The following CYP2C18 variants were observed in gnomAD, a reference collection of about 807,000 sequenced individuals.
CYP2C18 encodes the protein cytochrome P450 family 2 subfamily C member 18.
A neutral mutation model predicts 41.3 loss-of-function variants in CYP2C18; 38 were observed. That is an observed-to-expected ratio of 0.92 (90% CI 0.71 to 1.21). The LOEUF is 1.21. CYP2C18 is among the 50% of genes most tolerant of loss of function. The pLI is 0.00. For synonymous variants in CYP2C18, 236 were observed against 210.0 expected (o/e 1.12, Z -1.07); for missense variants, 635 against 591.4 (o/e 1.07, Z -0.77).
intron 4 of CYP2C18, among the ~76,000 whole-genome samples, chr10:94,699,538 A>C (rs1311014227): frequency 6.6e-6 from 1 of 152,178 alleles, no homozygotes; most frequent in Non-Finnish European, 1.5e-5. Context: ...ATGGGCACAA[A>C]CTGGAAGCAT....
rs115083193 is a variant in CYP2C18 at position 94,723,807 on chromosome 10, G to A, written c.962-539G>A. Among the ~76,000 whole-genome samples the A allele has an allele frequency of 9.5e-3, 1,438 of 152,116 alleles. 4 individuals are homozygous for A. The highest frequency in any genetic ancestry group is 0.054 in the Middle Eastern group (16 of 294). Reference sequence around the variant, plus strand: ...AAATTAAAAAATAAAAAGAGAGTCAGTATTTAGAAATATGAATATAAACTT... The same window carrying A: ...AAATTAAAAAATAAAAAGAGAGTCAATATTTAGAAATATGAATATAAACTT... On this transcript the variant is annotated intron_variant, in intron 6 of 8. Transcript: ENST00000285979.
chr10:94,731,228 AAGTT>A (rs1015103786), intron 7 of CYP2C18, among the ~76,000 whole-genome samples: 1 of 151,938 alleles, frequency 6.6e-6, no homozygotes, highest in Non-Finnish European at 1.5e-5. Flanking sequence ...AAAATACAAA[AAGTT>A]AGCCAGGCAA....
At chr10:94,722,118 T>G (rs1182593549) in intron 6 of CYP2C18, among the ~76,000 whole-genome samples, 1 of 152,138 alleles carries the variant, frequency 6.6e-6, no homozygotes, top group Non-Finnish European at 1.5e-5. Context: ...AGAAATGTCA[T>G]GAGATAGCCT....
chr10:94,708,941 G>A (rs1847387780), intron 5 of CYP2C18, among the ~76,000 whole-genome samples: 2 of 152,138 alleles, frequency 1.3e-5, no homozygotes. Flanking sequence ...ATATTTGGGT[G>A]TGGCTATATC....
At chr10:94,718,823 G>A (rs1441077418) in intron 5 of CYP2C18, among the ~76,000 whole-genome samples, 3 of 152,088 alleles carry the variant, frequency 2.0e-5, no homozygotes, top group Non-Finnish European at 2.9e-5. Context: ...TCCCAGAATT[G>A]GTAAGTTAAG....
At chr10:94,686,981 T>C (rs116017169) in intron 1 of CYP2C18, among the ~76,000 whole-genome samples, 220 of 152,306 alleles carry the variant, frequency 1.4e-3, no homozygotes, top group African/African-American at 5.2e-3. Flanking sequence ...AAGCAAATCA[T>C]GCCTGATGTC....
chr10:94,733,240 C>T lies in CYP2C18; in HGVS notation c.1150-57C>T, dbSNP rs954360164. 3.4e-5 allele frequency: 53 copies of T among 1,537,440 alleles called. No homozygotes were observed. In the African/African-American group the frequency reaches 5.9e-4, roughly 17 times the overall value. On this transcript the variant is annotated intron_variant, in intron 7 of 8. Transcript: ENST00000285979. ...AGATTGGACTAGGTGATTTCCATCA[C>T]TTCTTCCCACTCTTTGACTTCTTTA...
intron 5 of CYP2C18, among the ~76,000 whole-genome samples, chr10:94,707,367 G>A (rs918800527): frequency 1.3e-5 from 2 of 152,086 alleles, no homozygotes; most frequent in East Asian, 3.9e-4. Flanking sequence ...AATGAATAAC[G>A]GGGCAGTCAA....
intron 7 of CYP2C18, among the ~76,000 whole-genome samples, chr10:94,732,362 G>A (rs1443980212): frequency 6.6e-6 from 1 of 152,120 alleles, no homozygotes; most frequent in African/African-American, 2.4e-5. Flanking sequence ...AACACTTATA[G>A]GCTCTTGGTG....
chr10:94,704,689 C>T (rs1319159688), intron 4 of CYP2C18, among the ~76,000 whole-genome samples: 2 of 152,130 alleles, frequency 1.3e-5, no homozygotes, highest in Non-Finnish European at 2.9e-5. Context: ...GATCTTCTCA[C>T]ATTTTTCTAA....
chr10:94,685,399 G>C (rs149642358), intron 1 of CYP2C18, among the ~76,000 whole-genome samples: 1 of 152,108 alleles, frequency 6.6e-6, no homozygotes, highest in Non-Finnish European at 1.5e-5. Context: ...AAGTATTTTG[G>C]GTGGTCAGAA....
chr10:94,733,965 T>C (rs1439024993), intron 8 of CYP2C18, among the ~76,000 whole-genome samples: 1 of 151,936 alleles, frequency 6.6e-6, no homozygotes, highest in Admixed American at 6.6e-5. Flanking sequence ...GCGCAGGATG[T>C]TGGGGAGCTC....
chr10:94,706,570 A>G (rs1409672427), intron 4 of CYP2C18, among the ~76,000 whole-genome samples: 1 of 152,196 alleles, frequency 6.6e-6, no homozygotes, highest in Non-Finnish European at 1.5e-5. Context: ...ATATATGAGT[A>G]TAGAAAATTA....
chr10:94,723,887 G>A (rs1367484908), intron 6 of CYP2C18, among the ~76,000 whole-genome samples: 1 of 152,136 alleles, frequency 6.6e-6, no homozygotes, highest in Non-Finnish European at 1.5e-5. Flanking sequence ...GTGTGAGGAT[G>A]AGAGAGAATA....
At chr10:94,708,136 C>T (rs1297070927) in intron 5 of CYP2C18, among the ~76,000 whole-genome samples, 2 of 152,096 alleles carry the variant, frequency 1.3e-5, no homozygotes, top group Non-Finnish European at 2.9e-5. Context: ...GGGACAGAGT[C>T]AAAGATGCTG....
intron 5 of CYP2C18, among the ~76,000 whole-genome samples, chr10:94,719,699 C>A (rs896661025): frequency 6.6e-6 from 1 of 151,860 alleles, no homozygotes; most frequent in Admixed American, 6.6e-5. Context: ...CTCAGCCTTC[C>A]GAGTAGCTGA....
chr10:94,693,550 C>T (rs1020145759), intron 3 of CYP2C18, among the ~76,000 whole-genome samples: 1 of 152,176 alleles, frequency 6.6e-6, no homozygotes, highest in Non-Finnish European at 1.5e-5. Context: ...ATTTTCACTA[C>T]ATCATGTTCA....
chr10:94,724,513 A>T lies in CYP2C18; in HGVS notation c.1129A>T (p.Lys377Ter), dbSNP rs1847703609. The T allele has an allele frequency of 6.2e-7, 1 of 1,613,526 alleles. No homozygotes were observed. Among genetic ancestry groups the T allele is most frequent in the Admixed American group, 1.7e-5 (1 of 59,942 alleles). The change falls in exon 7 of 9, where the codon AAA becomes TAA. Residue 377 changes from lysine to a stop codon, truncating the protein, a stop_gained. Transcript: ENST00000285979. LOFTEE classifies it high-confidence loss of function. ...TGCAGTGACCTGTGATGTTAAATTCAAAAACTACCTCATCCCCAAGGTAAG... is the reference window on the plus strand; with the variant it reads ...TGCAGTGACCTGTGATGTTAAATTCTAAAACTACCTCATCCCCAAGGTAAG... ...PHAVTCDVKF[K>*]NYLIPKGTTI...
At chr10:94,721,221 G>C (rs768966457) in intron 6 of CYP2C18, among the ~76,000 whole-genome samples, 1 of 151,958 alleles carries the variant, frequency 6.6e-6, no homozygotes, top group Admixed American at 6.6e-5. Context: ...CACCATGTTG[G>C]TCAGGCTAGG....
Sources: allele counts gnomAD v4.1 joint callset (sites outside exome capture counted in the v4.1 genomes callset), GRCh38; gene constraint gnomAD v4.1.1; transcripts MANE v1.5; gene names NCBI Gene and HGNC (gene_info 2026-07-23, HGNC 2026-07-21).